Variants in GALNT13 observed in about 807,000 individuals in gnomAD.
The protein encoded by GALNT13 is polypeptide N-acetylgalactosaminyltransferase 13, also known as UDP-GalNAc:polypeptide N-acetylgalactosaminyltransferase 13.
Under a neutral mutation model 64.2 loss-of-function variants are expected in GALNT13, and 28 were observed. That is an observed-to-expected ratio of 0.44 (90% CI 0.32 to 0.60). The LOEUF is 0.60. GALNT13 is among the 20% of genes least tolerant of loss of function. The pLI is 0.05. For synonymous variants in GALNT13, 214 were observed against 224.6 expected, an observed-to-expected ratio of 0.95 and a Z score of 0.42; for missense variants, 577 against 669.8, an observed-to-expected ratio of 0.86 and a Z score of 1.53.
the GALNT13 span, among the ~76,000 whole-genome samples, chr2:153,142,109 A>G: frequency 1.3e-5 from 2 of 152,090 alleles, no homozygotes; most frequent in African/African-American, 2.4e-5. Context: ...TACCTAAACT[A>G]TCGGTCTTTA....
At chr2:153,609,397 C>A in the GALNT13 span, among the ~76,000 whole-genome samples, 3 of 152,140 alleles carry the variant, frequency 2.0e-5, no homozygotes, top group African/African-American at 7.2e-5. Flanking sequence ...CAATATCTGA[C>A]AACAACTATT....
At chr2:154,418,237 A>T (rs2105416639) in intron 11 of GALNT13, among the ~76,000 whole-genome samples, 1 of 152,310 alleles carries the variant, frequency 6.6e-6, no homozygotes, top group South Asian at 2.1e-4. Flanking sequence ...TTCCTGGAGG[A>T]TGAAATTGTT....
At chr2:153,599,575 C>T in the GALNT13 span, among the ~76,000 whole-genome samples, 1 of 151,794 alleles carries the variant, frequency 6.6e-6, no homozygotes, top group Admixed American at 6.6e-5. Context: ...GGATTTGAAC[C>T]CAAGGTCAGA....
chr2:153,403,752 T>C, the GALNT13 span, among the ~76,000 whole-genome samples: 1 of 152,174 alleles, frequency 6.6e-6, no homozygotes, highest in Admixed American at 6.5e-5. Flanking sequence ...CCCCTTGCGC[T>C]TCCCAAGTGA....
At chr2:153,344,570 C>A in the GALNT13 span, among the ~76,000 whole-genome samples, 1 of 151,924 alleles carries the variant, frequency 6.6e-6, no homozygotes, top group Non-Finnish European at 1.5e-5. Flanking sequence ...ATAAGCATTC[C>A]CCAGCTTTTT....
At chr2:153,144,048 A>C in the GALNT13 span, among the ~76,000 whole-genome samples, 2 of 151,984 alleles carry the variant, frequency 1.3e-5, no homozygotes, top group Admixed American at 1.3e-4. Flanking sequence ...TGCCACCTCT[A>C]GCTCTCATGG....
intron 11 of GALNT13, among the ~76,000 whole-genome samples, chr2:154,432,569 A>G (rs1700758052): frequency 6.6e-6 from 1 of 152,198 alleles, no homozygotes; most frequent in Admixed American, 6.5e-5. Context: ...GAAGTCTGAA[A>G]TCAAGGTGTC....
chr2:153,767,811 T>C, the GALNT13 span, among the ~76,000 whole-genome samples: 14 of 151,546 alleles, frequency 9.2e-5, no homozygotes, highest in African/African-American at 2.9e-4. Flanking sequence ...TTTTTCCCCC[T>C]GTTTAGTTGT....
chr2:153,151,533 A>G, the GALNT13 span, among the ~76,000 whole-genome samples: 2 of 152,198 alleles, frequency 1.3e-5, no homozygotes, highest in African/African-American at 2.4e-5. Context: ...ATGCACATGT[A>G]TGTTTATTAG....
At chr2:154,193,230 AC>A (rs771465597) in intron 4 of GALNT13, among the ~76,000 whole-genome samples, 1 of 152,260 alleles carries the variant, frequency 6.6e-6, no homozygotes, top group Non-Finnish European at 1.5e-5. Flanking sequence ...TGTTATACAC[AC>A]AAATATTATA....
chr2:153,540,813 ATG>A, the GALNT13 span, among the ~76,000 whole-genome samples: 1 of 152,192 alleles, frequency 6.6e-6, no homozygotes, highest in Non-Finnish European at 1.5e-5. Context: ...CCCATTTGGA[ATG>A]TGTGTATTTA....
chr2:153,880,970 A>C (rs1686743285), intron 1 of GALNT13, among the ~76,000 whole-genome samples: 2 of 152,210 alleles, frequency 1.3e-5, no homozygotes, highest in African/African-American at 2.4e-5. Flanking sequence ...AAAACAAAAC[A>C]AAACAAAAAA....
At chr2:153,667,608 C>A in the GALNT13 span, among the ~76,000 whole-genome samples, 2 of 152,158 alleles carry the variant, frequency 1.3e-5, no homozygotes, top group Admixed American at 6.5e-5. Context: ...ATCTTCCTAA[C>A]AATAGGTCCT....
intron 1 of GALNT13, among the ~76,000 whole-genome samples, chr2:153,883,869 T>C (rs1686954535): frequency 6.6e-6 from 1 of 152,098 alleles, no homozygotes; most frequent in Non-Finnish European, 1.5e-5. Flanking sequence ...ATACATGGTA[T>C]TTACTGATTT....
At chr2:153,845,033 A>T in the GALNT13 span, among the ~76,000 whole-genome samples, 2 of 152,166 alleles carry the variant, frequency 1.3e-5, no homozygotes, top group Non-Finnish European at 2.9e-5. Flanking sequence ...AGTCTCTAAG[A>T]AATTCCAAAC....
At chr2:153,846,593 C>T in the GALNT13 span, among the ~76,000 whole-genome samples, 1 of 152,058 alleles carries the variant, frequency 6.6e-6, no homozygotes, top group South Asian at 2.1e-4. Flanking sequence ...TTAAAGATCA[C>T]ATTAAAAGAT....
the GALNT13 span, among the ~76,000 whole-genome samples, chr2:153,583,587 C>A: frequency 6.6e-6 from 1 of 152,110 alleles, no homozygotes; most frequent in Non-Finnish European, 1.5e-5. Flanking sequence ...TTTCCCACTG[C>A]GGAATCATGC....
chr2:154,286,848 G>T, intron 8 of GALNT13: 1 of 357,252 alleles, frequency 2.8e-6, no homozygotes, highest in Non-Finnish European at 5.5e-6. Context: ...AAGACTTACA[G>T]AATGTCAACA....
chr2:154,431,714 T>C (rs1037478614), intron 11 of GALNT13, among the ~76,000 whole-genome samples: 1 of 152,194 alleles, frequency 6.6e-6, no homozygotes, highest in Non-Finnish European at 1.5e-5. Context: ...CCACGTGTCA[T>C]GAGAGGGACC....
Sources: gnomAD v4.1 joint callset for allele counts (sites outside exome capture counted in the v4.1 genomes callset) on GRCh38, gnomAD v4.1.1 for gene constraint, MANE v1.5 for transcripts, NCBI Gene and HGNC (gene_info 2026-07-23, HGNC 2026-07-21) for gene names.